The following NTRK2 variants were observed in gnomAD, a reference collection of about 807,000 sequenced individuals.
The protein encoded by NTRK2 is BDNF/NT-3 growth factors receptor.
Under a neutral mutation model 94.5 loss-of-function variants are expected in NTRK2, and 13 were observed. The ratio of observed to expected loss-of-function variants is 0.14; its 90% CI spans 0.09 to 0.22. The LOEUF (loss-of-function observed/expected upper bound fraction) is 0.22, where lower values mean the gene tolerates loss of function less well. NTRK2 is among the 10% of genes least tolerant of loss of function. NTRK2 has a pLI of 1.00. For missense variants in NTRK2, 639 were observed against 1,071.2 expected, an observed-to-expected ratio of 0.60 and a Z score of 5.63; for synonymous variants, 372 against 407.4, an observed-to-expected ratio of 0.91 and a Z score of 1.05.
chr9:84,841,763 G>C (rs926160143), intron 12 of NTRK2, among the ~76,000 whole-genome samples: 11 of 152,164 alleles, frequency 7.2e-5, no homozygotes, highest in African/African-American at 2.7e-4. Context: ...GTTGTCGTTG[G>C]TAATTCTCTG....
chr9:84,744,669 T>C (rs2063910862), intron 10 of NTRK2, among the ~76,000 whole-genome samples: 1 of 152,178 alleles, frequency 6.6e-6, no homozygotes, highest in Non-Finnish European at 1.5e-5. Context: ...TTGTTTTAAA[T>C]ATGCCATCCA....
chr9:84,742,821 G>A (rs1195905878), intron 10 of NTRK2, among the ~76,000 whole-genome samples: 2 of 111,354 alleles, frequency 1.8e-5, no homozygotes, highest in Non-Finnish European at 3.4e-5. Context: ...TTTTTTCCGA[G>A]ACGGAGTCTC....
At chr9:84,743,097 G>A (rs926696160) in intron 10 of NTRK2, among the ~76,000 whole-genome samples, 1 of 151,962 alleles carries the variant, frequency 6.6e-6, no homozygotes, top group African/African-American at 2.4e-5. Flanking sequence ...CACCATGCCC[G>A]GCCTATATTA....
At chr9:84,681,341 C>T (rs1443446693) in intron 2 of NTRK2, among the ~76,000 whole-genome samples, 1 of 152,180 alleles carries the variant, frequency 6.6e-6, no homozygotes, top group Non-Finnish European at 1.5e-5. Flanking sequence ...CGTGACTCTT[C>T]CTTCTCTGTA....
Position 84,840,551 on chromosome 9 carries a change from C to G in NTRK2, c.1397-20489C>G, listed in dbSNP as rs2074122205. Among the ~76,000 whole-genome samples, 3 of 152,040 alleles carry G rather than the reference C, an allele frequency of 2.0e-5. No homozygotes were observed. The South Asian group carries it at 6.2e-4, about 32-fold the overall frequency. On this transcript the variant is annotated intron_variant, in intron 12 of 18. Coordinates refer to ENST00000277120, the MANE Select transcript of NTRK2 (RefSeq NM_006180.6). ...TGCCTGTTGAAAGACATCACCCCAG[C>G]CATTGTCCACTCTCTTTCCTGCAGC...
Position 84,745,131 on chromosome 9 carries a change from T to C in NTRK2, c.1296+58T>C, listed in dbSNP as rs147198316. ...CTGAGCATTTTGGATGCCTCCATGT[T>C]AGAGGAATGTAGCTGCTTCAATAAG... is the stretch of plus-strand genomic sequence containing the variant. On this transcript the variant is annotated intron_variant, in intron 11 of 18. Transcript: ENST00000277120. 8.8e-4 allele frequency: 987 copies of C among 1,115,556 alleles called. 7 individuals carry two copies. The African/African-American group carries it at 0.014, about 16-fold the overall frequency. The allele number at this position is 1,115,556 out of a possible 1,614,324, so 69.1% of individuals were successfully genotyped here. A position where few individuals can be genotyped will look rare whatever the true frequency, so the allele number is the denominator to read the frequency against.
At chr9:84,884,666 G>A (rs754276401) in intron 14 of NTRK2, among the ~76,000 whole-genome samples, 3 of 152,080 alleles carry the variant, frequency 2.0e-5, no homozygotes, top group Non-Finnish European at 4.4e-5. Flanking sequence ...CATCTCTGCC[G>A]CCGCTTGTAG....
intron 12 of NTRK2, among the ~76,000 whole-genome samples, chr9:84,763,523 T>G (rs538645753): frequency 3.0e-4 from 45 of 152,098 alleles, no homozygotes; most frequent in Non-Finnish European, 5.3e-4. Flanking sequence ...GAAAGAATAC[T>G]AACAATGAAT....
At chr9:84,919,002 C>T (rs924919941) in intron 14 of NTRK2, among the ~76,000 whole-genome samples, 21 of 152,102 alleles carry the variant, frequency 1.4e-4, no homozygotes, top group African/African-American at 4.6e-4. Context: ...AATCTAGACC[C>T]CTTCATCTAA....
chr9:84,725,564 T>A (rs1372211388), intron 8 of NTRK2, among the ~76,000 whole-genome samples: 1 of 151,644 alleles, frequency 6.6e-6, no homozygotes, highest in African/African-American at 2.4e-5. Flanking sequence ...TAGTGGTTGG[T>A]TCATAGCACA....
At chr9:84,934,091 C>T (rs2132715876) in intron 14 of NTRK2, 71 bp from the exon 15 acceptor site, 2 of 1,583,562 alleles carry the variant, frequency 1.3e-6, no homozygotes, top group Non-Finnish European at 1.7e-6. Flanking sequence ...GTACAGGCCA[C>T]CAACTCTTCA....
At chr9:84,682,561 C>T (rs947391255) in intron 2 of NTRK2, among the ~76,000 whole-genome samples, 2 of 152,066 alleles carry the variant, frequency 1.3e-5, no homozygotes, top group African/African-American at 4.8e-5. Flanking sequence ...TCTCTTAGGG[C>T]TCTGTCTACT....
At chr9:84,774,377 T>C (rs563914194) in intron 12 of NTRK2, among the ~76,000 whole-genome samples, 54 of 152,170 alleles carry the variant, frequency 3.5e-4, no homozygotes, top group Non-Finnish European at 6.5e-4. Context: ...TGGAGAGGGG[T>C]CTCCATGTCT....
intron 14 of NTRK2, among the ~76,000 whole-genome samples, chr9:84,901,551 C>T (rs1413425554): frequency 6.6e-6 from 1 of 152,112 alleles, no homozygotes; most frequent in Non-Finnish European, 1.5e-5. Context: ...AAGACGTAAA[C>T]AGTGCTTTAA....
chr9:84,769,696 G>A (rs1369490332), intron 12 of NTRK2, among the ~76,000 whole-genome samples: 1 of 152,174 alleles, frequency 6.6e-6, no homozygotes, highest in Non-Finnish European at 1.5e-5. Context: ...AGTCTGAGCA[G>A]GGTCTGTGCC....
intron 15 of NTRK2, among the ~76,000 whole-genome samples, chr9:84,944,871 C>T (rs1396955053): frequency 2.0e-5 from 3 of 152,216 alleles, no homozygotes; most frequent in Admixed American, 1.3e-4. Context: ...GGAAAACATC[C>T]CAACTTACAC....
At chr9:85,009,537 T>C (rs955264720) in intron 17 of NTRK2, among the ~76,000 whole-genome samples, 1 of 152,140 alleles carries the variant, frequency 6.6e-6, no homozygotes, top group East Asian at 1.9e-4. Flanking sequence ...GCACTTTTTA[T>C]GGGTATATTT....
chr9:84,705,559 G>A (rs1258101634), intron 4 of NTRK2, among the ~76,000 whole-genome samples: 1 of 152,124 alleles, frequency 6.6e-6, no homozygotes, highest in East Asian at 1.9e-4. Context: ...TCTGCGGGGC[G>A]GCGGTTTTAC....
intron 9 of NTRK2, among the ~76,000 whole-genome samples, chr9:84,733,514 A>G (rs1451960267): frequency 6.6e-6 from 1 of 152,232 alleles, no homozygotes; most frequent in Non-Finnish European, 1.5e-5. Flanking sequence ...GAGACAACGT[A>G]GACCCTACCT....
Sources: gnomAD v4.1 joint callset for allele counts (sites outside exome capture counted in the v4.1 genomes callset) on GRCh38, gnomAD v4.1.1 for gene constraint, MANE v1.5 for transcripts, NCBI Gene and HGNC (gene_info 2026-07-23, HGNC 2026-07-21) for gene names.